The following TBCB variants were observed in gnomAD, a reference collection of about 807,000 sequenced individuals.
TBCB encodes tubulin folding cofactor B.
Under a neutral mutation model 29.2 loss-of-function variants are expected in TBCB, and 18 were observed. The observed-to-expected ratio is 0.62, with a 90% CI of 0.43 to 0.91. TBCB has a LOEUF of 0.91. Among genes scored for constraint, TBCB ranks in the 40% least tolerant of loss-of-function variants. TBCB has a pLI of 0.00. For synonymous variants in TBCB, 172 were observed against 137.8 expected (o/e 1.25, Z -1.74); for missense variants, 336 against 337.6 (o/e 1.00, Z 0.04).
At chr19:36,117,429 C>G (rs1973974672) in intron 2 of TBCB, among the ~76,000 whole-genome samples, 1 of 152,216 alleles carries the variant, frequency 6.6e-6, no homozygotes, top group African/African-American at 2.4e-5. Flanking sequence ...ACTGCAACCT[C>G]TGTCTCCTGG....
At chr19:36,122,455 C>T (rs1974071481) in intron 4 of TBCB, among the ~76,000 whole-genome samples, 1 of 150,398 alleles carries the variant, frequency 6.6e-6, no homozygotes, top group Non-Finnish European at 1.5e-5. Flanking sequence ...AAAAAAAAGG[C>T]TGGGTGCAGT....
chr19:36,125,751 C>T lies in TBCB; in HGVS notation c.704C>T (p.Pro235Leu), dbSNP rs1801989. 113 of 1,560,678 alleles carry T rather than the reference C, an allele frequency of 7.2e-5. 2 individuals are homozygous for T. The highest frequency in any genetic ancestry group is 1.7e-4 in the Admixed American group (9 of 52,444). Reference protein sequence around the residue: ...KPAVVTVGDFPEEDYGLDEI With the variant: ...KPAVVTVGDFLEEDYGLDEI ...GCAGTCGTGACGGTGGGGGACTTCCCGGAGGAGGACTACGGGTTGGACGAG... is the reference window on the plus strand; with the variant it reads ...GCAGTCGTGACGGTGGGGGACTTCCTGGAGGAGGACTACGGGTTGGACGAG... The change falls in exon 6 of 6, where the codon CCG (proline) becomes CTG (leucine). Residue 235 changes from proline to leucine, a missense_variant. Transcript: ENST00000221855.
intron 2 of TBCB, among the ~76,000 whole-genome samples, chr19:36,119,774 T>C (rs960449330): frequency 6.6e-6 from 1 of 151,934 alleles, no homozygotes; most frequent in Non-Finnish European, 1.5e-5. Flanking sequence ...GTGCCTATAG[T>C]TTCAGCTGCC....
In TBCB at chr19:36,120,765, A is replaced by G. The variant is rs1258682455; in HGVS notation, c.314A>G (p.Glu105Gly). The G allele has an allele frequency of 1.2e-6, 2 of 1,613,856 alleles. No homozygotes were observed. Among genetic ancestry groups the G allele is most frequent in the Non-Finnish European group, 1.7e-6 (2 of 1,179,932 alleles). ...GAGTATGAGGACGTGTCCCGGGTGG[A>G]GAAGTACACGATCTCACAAGAAGCC... is the stretch of plus-strand genomic sequence containing the variant. ...LGEYEDVSRV[E>G]KYTISQEAYD... Residue 105 changes from glutamate to glycine, a missense_variant, in exon 3 of 6, where the codon GAG (glutamate) becomes GGG (glycine). Coordinates refer to ENST00000221855, the MANE Select transcript of TBCB (RefSeq NM_001281.3).
chr19:36,116,324 C>G, intron 2 of TBCB, 140 bp downstream of exon 2: 1 of 1,148,238 alleles, frequency 8.7e-7, no homozygotes, highest in East Asian at 2.5e-5. Context: ...TGACGAGAGA[C>G]AGACCCATCA....
intron 2 of TBCB, 129 bp downstream of exon 2, chr19:36,116,313 C>A: frequency 8.0e-7 from 1 of 1,254,662 alleles, no homozygotes; most frequent in Non-Finnish European, 1.1e-6. Flanking sequence ...CCAGTGCAGC[C>A]TGACGAGAGA....
chr19:36,121,961 G>A (rs942555453), intron 4 of TBCB: 16 of 596,772 alleles, frequency 2.7e-5, no homozygotes, highest in Non-Finnish European at 4.4e-5. Flanking sequence ...GGAAGCAGAA[G>A]CCAGAGGCAC....
intron 4 of TBCB, among the ~76,000 whole-genome samples, chr19:36,123,360 A>G (rs980952258): frequency 6.6e-6 from 1 of 150,788 alleles, no homozygotes; most frequent in African/African-American, 2.4e-5. Flanking sequence ...TCTTGGGCTC[A>G]AGCCATCCTC....
chr19:36,117,207 C>T (rs1054752791), intron 2 of TBCB, among the ~76,000 whole-genome samples: 3 of 152,172 alleles, frequency 2.0e-5, no homozygotes, highest in African/African-American at 7.2e-5. Context: ...CTGGATTTCT[C>T]TCATCTGGTT....
Position 36,118,797 on chromosome 19 carries a change from C to G in TBCB, c.259-1913C>G, listed in dbSNP as rs552642437. The G allele has an allele frequency of 2.0e-5, 3 of 152,264 alleles. No individual in the cohort carries two copies. The South Asian group carries it at 6.2e-4, about 32-fold the overall frequency. The allele number at this position is 152,264 out of a possible 1,614,324, so 9.4% of individuals were successfully genotyped here. On this transcript the variant is annotated intron_variant, in intron 2 of 5. Coordinates refer to ENST00000221855, the MANE Select transcript of TBCB (RefSeq NM_001281.3). ...GAGCGCGGTGGGGATTAAGACAGGC[C>G]ACTTCTGTGGCCAAACACTGTGGAA... is the stretch of plus-strand genomic sequence containing the variant.
Position 36,115,609 on chromosome 19 carries a change from A to C in TBCB, c.49A>C (p.Ser17Arg). The C allele has an allele frequency of 6.2e-7, 1 of 1,610,026 alleles. No homozygotes were observed. The highest frequency in any genetic ancestry group is 8.5e-7 in the Non-Finnish European group (1 of 1,178,556). ...SAPTVTVFIS[S>R]SLNTFRSEKR... ...ACCCACGGTGACCGTTTTCATCAGC[A>C]GCTCCCTCAACACCTTCCGCTCCGA... The change falls in exon 1 of 6, where the codon AGC (serine) becomes CGC (arginine). Residue 17 changes from serine (S) to arginine (R), a missense_variant. Coordinates refer to ENST00000221855, the MANE Select transcript of TBCB (RefSeq NM_001281.3).
chr19:36,122,005 C>G, intron 4 of TBCB: 1 of 522,132 alleles, frequency 1.9e-6, no homozygotes, highest in Non-Finnish European at 3.4e-6. Context: ...GGGGCAGTGT[C>G]AGTCGCGGTG....
chr19:36,115,320 G>A, upstream of TBCB: 1 of 560,936 alleles, frequency 1.8e-6, no homozygotes, highest in Non-Finnish European at 3.1e-6. Flanking sequence ...TGGAAGAACC[G>A]TGAACTATGG....
chr19:36,118,141 T>G (rs999140092), intron 2 of TBCB, among the ~76,000 whole-genome samples: 5 of 152,178 alleles, frequency 3.3e-5, no homozygotes, highest in African/African-American at 7.2e-5. Flanking sequence ...GAGAACTGCT[T>G]CTTTTTTCTC....
At chr19:36,116,014 TC>T (rs1973946118) in intron 1 of TBCB, 26 bp from the exon 2 acceptor site, 3 of 1,604,958 alleles carry the variant, frequency 1.9e-6, no homozygotes, top group Non-Finnish European at 1.7e-6. Context: ...GTGGCCTCCT[TC>T]TTCTCACCCT....
chr19:36,117,824 G>A (rs1476230192), intron 2 of TBCB: 1 of 151,958 alleles, frequency 6.6e-6, no homozygotes, highest in Non-Finnish European at 1.5e-5. Context: ...GGCGTGCAGT[G>A]GCATGATCTC....
intron 4 of TBCB, 117 bp downstream of exon 4, chr19:36,121,835 G>GGA: frequency 7.8e-7 from 1 of 1,289,006 alleles, no homozygotes; most frequent in South Asian, 1.3e-5. Context: ...GGTTGGGGGG[G>GGA]ACTCGAAACG....
In TBCB at chr19:36,116,184, C is replaced by T. The variant is rs148944876; in HGVS notation, c.258C>T (p.His86=). 1 of 1,613,764 alleles carries T rather than the reference C, an allele frequency of 6.2e-7. No individual in the cohort carries two copies. The highest frequency in any genetic ancestry group is 8.5e-7 in the Non-Finnish European group (1 of 1,179,758). ...CTGTAGATGACGGCTGCCGCATCCA[C>T]GTGAGGACTCTCTATCTGGGACACT... ...SYPVDDGCRI[H]VIDHSGARLG... The change falls in exon 2 of 6, where the codon CAC becomes CAT. Residue 86 remains histidine (H), a splice_region_variant and synonymous_variant. Coordinates refer to ENST00000221855, the MANE Select transcript of TBCB (RefSeq NM_001281.3).
At chr19:36,115,287 C>G (rs1351945705), upstream of TBCB, 2 of 549,360 alleles carry the variant, frequency 3.6e-6, no homozygotes, top group African/African-American at 2.0e-5. Flanking sequence ...GCCGCCTGTT[C>G]TGGTCCTTTC....
Sources: allele counts gnomAD v4.1 joint callset (sites outside exome capture counted in the v4.1 genomes callset), GRCh38; gene constraint gnomAD v4.1.1; transcripts MANE v1.5; gene names NCBI Gene and HGNC (gene_info 2026-07-23, HGNC 2026-07-21).